The following PTPRS variants were observed in gnomAD, a reference collection of about 807,000 sequenced individuals.
The protein encoded by PTPRS is protein tyrosine phosphatase receptor type S.
Under a neutral mutation model 215.3 loss-of-function variants are expected in PTPRS, and 63 were observed. That is an observed-to-expected ratio of 0.29 (90% CI 0.24 to 0.36). PTPRS has a LOEUF of 0.36. Ranked by LOEUF, PTPRS falls within the 10% of genes least tolerant of loss-of-function variation. The probability of loss-of-function intolerance (pLI) is 1.00; values close to 1 mark genes in which losing one functional copy is unlikely to be tolerated. For missense variants in PTPRS, 2,258 were observed against 2,825.8 expected, an observed-to-expected ratio of 0.80 and a Z score of 4.56; for synonymous variants, 1,404 against 1,191.4, an observed-to-expected ratio of 1.18 and a Z score of -3.68.
At chr19:5,229,739 G>A in intron 14 of PTPRS, 55 bp from the exon 15 acceptor site, 1 of 1,119,488 alleles carries the variant, frequency 8.9e-7, no homozygotes, top group Non-Finnish European at 1.1e-6. Context: ...AGGGCGCCCG[G>A]CCCTGCCCCG....
chr19:5,314,907 C>G (rs56670159), intron 1 of PTPRS, among the ~76,000 whole-genome samples: 3,181 of 152,280 alleles, frequency 0.021, 100 homozygotes, highest in African/African-American at 0.072. Flanking sequence ...TGCTGGAAAG[C>G]AACACCCACA....
At chr19:5,307,341 A>G (rs1050734420) in intron 1 of PTPRS, among the ~76,000 whole-genome samples, 8 of 152,022 alleles carry the variant, frequency 5.3e-5, no homozygotes, top group African/African-American at 1.2e-4. Context: ...ATGAATGAAT[A>G]AATAAATAAA....
intron 1 of PTPRS, among the ~76,000 whole-genome samples, chr19:5,289,584 C>T (rs2048642651): frequency 6.6e-6 from 1 of 152,176 alleles, no homozygotes. Flanking sequence ...CTCCCCTCCT[C>T]CCTTTCTCCC....
At chr19:5,223,416 G>GC (rs1040944976) in intron 17 of PTPRS, 119 bp from the exon 18 acceptor site, 1 of 1,235,124 alleles carries the variant, frequency 8.1e-7, no homozygotes, top group Non-Finnish European at 1.1e-6. Flanking sequence ...AGTTGGGGGG[G>GC]GTCTTACTCT....
chr19:5,248,035 TG>T (rs917081940), intron 9 of PTPRS, among the ~76,000 whole-genome samples: 189 of 21,260 alleles, frequency 8.9e-3, no homozygotes, highest in Non-Finnish European at 9.7e-3. Context: ...TGCCGTGAGA[TG>T]GGGGGGGCGG....
intron 13 of PTPRS, among the ~76,000 whole-genome samples, chr19:5,233,945 C>CAAAAAA: frequency 1.3e-4 from 1 of 7,598 alleles, no homozygotes; most frequent in African/African-American, 3.0e-4. Context: ...GACTCCATCT[C>CAAAAAA]CAAAAAAAAA....
chr19:5,225,819 G>C lies in PTPRS; in HGVS notation c.2402C>G (p.Pro801Arg). Residue 801 changes from proline (P) to arginine (R), a missense_variant, in exon 17 of 38, where the codon CCT becomes CGT. Pro to Arg is a moderately radical substitution (Grantham distance 103). Transcript: ENST00000262963. The stretch of plus-strand genomic sequence containing the variant: ...TACCGTGATGGAGTACGCGGTCTCA[G>C]GCTGCAAGTTTGTGATGACCATCTC... Reference protein sequence around the residue: ...EYEMVITNLQPETAYSITVAA... With the variant: ...EYEMVITNLQRETAYSITVAA... 4 of 1,614,030 alleles carry C rather than the reference G, an allele frequency of 2.5e-6. No individual in the cohort carries two copies. Among genetic ancestry groups the C allele is most frequent in the Non-Finnish European group, 3.4e-6 (4 of 1,179,976 alleles).
intron 1 of PTPRS, among the ~76,000 whole-genome samples, chr19:5,298,453 T>A (rs2049207188): frequency 6.6e-6 from 1 of 152,172 alleles, no homozygotes; most frequent in Admixed American, 6.5e-5. Context: ...CCCCCAGACA[T>A]TTCATTTAGG....
Position 5,210,647 on chromosome 19 carries a change from C to G in PTPRS, c.5361+32G>C. ...GCGCTGTCTGAGCCACAGTCTGGCCCTCGCCCTTCCCTGCTGTGGCCCCTA... is the reference window on the plus strand; with the variant it reads ...GCGCTGTCTGAGCCACAGTCTGGCCGTCGCCCTTCCCTGCTGTGGCCCCTA... On this transcript the variant is annotated intron_variant, in intron 34 of 37. Coordinates refer to ENST00000262963, the MANE Select transcript of PTPRS (RefSeq NM_002850.4). The surrounding 1 kb of genome is among the most constrained non-coding windows in gnomAD (Gnocchi z 4.5). The G allele has an allele frequency of 6.2e-7, 1 of 1,614,076 alleles. No individual in the cohort carries two copies. Among genetic ancestry groups the G allele is most frequent in the Non-Finnish European group, 8.5e-7 (1 of 1,180,016 alleles).
intron 7 of PTPRS, among the ~76,000 whole-genome samples, chr19:5,260,171 G>A (rs999938797): frequency 8.0e-5 from 12 of 149,860 alleles, no homozygotes; most frequent in Admixed American, 6.6e-4. Context: ...TTGCATGTTC[G>A]TTTTGTTTCT....
intron 15 of PTPRS, 65 bp downstream of exon 15, chr19:5,229,426 G>T: frequency 7.3e-7 from 1 of 1,364,310 alleles, no homozygotes; most frequent in Non-Finnish European, 9.5e-7. Context: ...GCAGAGGTGG[G>T]GGGAGCGCAA....
Position 5,338,304 on chromosome 19 carries a change from A to C in PTPRS, c.-95+2360T>G, listed in dbSNP as rs2050571462. Among the ~76,000 whole-genome samples, 1 of 151,968 alleles carries C rather than the reference A, an allele frequency of 6.6e-6. No homozygotes were observed. The highest frequency in any genetic ancestry group is 1.5e-5 in the Non-Finnish European group (1 of 68,008). On this transcript the variant is annotated intron_variant, in intron 1 of 37. Transcript: ENST00000262963. The surrounding 1 kb of genome is among the most constrained non-coding windows in gnomAD (Gnocchi z 4.2). ...TTGTTTGCCTGAGCCCAATTAGAAC[A>C]ACTCTCAGGATGATGGAGTATGGCG...
At chr19:5,267,253 C>T (rs2046473846) in intron 4 of PTPRS, among the ~76,000 whole-genome samples, 1 of 152,084 alleles carries the variant, frequency 6.6e-6, no homozygotes, top group Non-Finnish European at 1.5e-5. Flanking sequence ...ACTCAGGTCC[C>T]TGGAATCTCC....
Position 5,272,595 on chromosome 19 carries a change from C to CAAAAAAAAAAAAAAAAAAA in PTPRS, c.379+828_379+846dup, listed in dbSNP as rs10527451. Reference sequence around the variant, plus strand: ...CCAGCGCAACAAAGCAAGACTGTCTCAAAAAAAAAAAAAAAAAAAAAAAAA... The same window carrying CAAAAAAAAAAAAAAAAAAA: ...CCAGCGCAACAAAGCAAGACTGTCTCAAAAAAAAAAAAAAAAAAAAAAAAAAAAAAAAAAAAAAAAAAAA... On this transcript the variant is annotated intron_variant, in intron 4 of 37. Transcript: ENST00000262963. Among the ~76,000 whole-genome samples, 48 of 73,436 alleles carry CAAAAAAAAAAAAAAAAAAA rather than the reference C, an allele frequency of 6.5e-4. 1 individual carries two copies. The highest frequency in any genetic ancestry group is 9.5e-4 in the Non-Finnish European group (36 of 38,004). 48.2% of individuals were successfully genotyped at this position (73,436 alleles called of 152,430 possible).
At chr19:5,220,623 C>A (rs760309954) in intron 20 of PTPRS, among the ~76,000 whole-genome samples, 1 of 152,198 alleles carries the variant, frequency 6.6e-6, no homozygotes, top group Non-Finnish European at 1.5e-5. Context: ...AGCTTCAATG[C>A]CCACATAACC....
At chr19:5,258,661 A>C (rs753086430) in intron 7 of PTPRS, among the ~76,000 whole-genome samples, 1 of 152,190 alleles carries the variant, frequency 6.6e-6, no homozygotes, top group Non-Finnish European at 1.5e-5. Flanking sequence ...CCTAGTCCTC[A>C]AAGTCCTCAA....
intron 9 of PTPRS, among the ~76,000 whole-genome samples, chr19:5,252,345 G>C (rs1175134317): frequency 6.6e-6 from 1 of 152,126 alleles, no homozygotes; most frequent in African/African-American, 2.4e-5. Flanking sequence ...GGGAGGCTGA[G>C]GTGGGTGAAT....
chr19:5,256,164 G>C (rs1300249251), intron 8 of PTPRS, 45 bp from the exon 9 acceptor site: 3 of 1,465,324 alleles, frequency 2.0e-6, no homozygotes, highest in Non-Finnish European at 2.8e-6. Flanking sequence ...AATGACATGG[G>C]AAGAAGAGAA....
chr19:5,337,262 C>A (rs2050534976), intron 1 of PTPRS, among the ~76,000 whole-genome samples: 1 of 152,242 alleles, frequency 6.6e-6, no homozygotes, highest in African/African-American at 2.4e-5. Flanking sequence ...TTCCCTCCCG[C>A]TCGCCCCCAT....
Sources: allele counts gnomAD v4.1 joint callset (sites outside exome capture counted in the v4.1 genomes callset), GRCh38; gene constraint gnomAD v4.1.1; non-coding constraint Gnocchi (gnomAD v3.1); transcripts MANE v1.5; gene names NCBI Gene and HGNC (gene_info 2026-07-23, HGNC 2026-07-21).